THADA: variants seen among roughly 807,000 people sequenced by gnomAD.
THADA encodes THADA armadillo repeat containing.
THADA carries 213 observed loss-of-function variants against 219.8 expected under a neutral mutation model. The observed-to-expected ratio is 0.97, with a 90% CI of 0.87 to 1.09. The LOEUF (loss-of-function observed/expected upper bound fraction) is 1.09. Ranked by LOEUF, THADA falls within the 50% of genes least tolerant of loss-of-function variation. The pLI is 0.00. For synonymous variants in THADA, 1,018 were observed against 828.9 expected (o/e 1.23, Z -3.92); for missense variants, 2,956 against 2,311.3 (o/e 1.28, Z -5.72).
At chr2:43,474,997 G>A (rs1335279679) in intron 26 of THADA, among the ~76,000 whole-genome samples, 2 of 152,142 alleles carry the variant, frequency 1.3e-5, no homozygotes, top group Non-Finnish European at 2.9e-5. Context: ...GGACAGAAAA[G>A]AAAGAAACGT....
In THADA at chr2:43,532,104, G is replaced by A. The variant is rs930821097; in HGVS notation, c.3265-4116C>T. Among the ~76,000 whole-genome samples, 9 of 148,994 alleles carry A rather than the reference G, an allele frequency of 6.0e-5. No homozygotes were observed. The East Asian group carries it at 1.6e-3, about 26-fold the overall frequency. On this transcript the variant is annotated intron_variant, in intron 21 of 37. Transcript: ENST00000405975. ...CCAGCACACTAAAATAAGAAGAAAT[G>A]AAAAGTGTAAAAAAAATATGAAAGA...
chr2:43,330,088 C>G (rs1573096414), intron 30 of THADA, among the ~76,000 whole-genome samples: 1 of 152,218 alleles, frequency 6.6e-6, no homozygotes, highest in East Asian at 1.9e-4. Flanking sequence ...GAGGCCAGAC[C>G]ACTGACTTGC....
At chr2:43,313,858 G>C (rs13412856) in intron 31 of THADA, among the ~76,000 whole-genome samples, 1 of 152,218 alleles carries the variant, frequency 6.6e-6, no homozygotes, top group Non-Finnish European at 1.5e-5. Flanking sequence ...TGGTTGTGCC[G>C]TGAGGCCACA....
intron 22 of THADA, among the ~76,000 whole-genome samples, chr2:43,518,016 T>C (rs2103663787): frequency 6.6e-6 from 1 of 152,326 alleles, no homozygotes; most frequent in Admixed American, 6.5e-5. Context: ...AATATTACTT[T>C]AGTCTAGTAG....
chr2:43,420,792 C>T (rs1371045634), intron 28 of THADA, among the ~76,000 whole-genome samples: 1 of 152,124 alleles, frequency 6.6e-6, no homozygotes, highest in Non-Finnish European at 1.5e-5. Flanking sequence ...TCTTTTTATG[C>T]CAGAACTATT....
chr2:43,523,776 G>A (rs1242730335), intron 22 of THADA, among the ~76,000 whole-genome samples: 1 of 152,128 alleles, frequency 6.6e-6, no homozygotes, highest in Non-Finnish European at 1.5e-5. Context: ...AATATCTGTA[G>A]ATTAAGCTAC....
Position 43,556,327 on chromosome 2 carries a change from G to C in THADA, c.2674+18C>G, listed in dbSNP as rs1035894583. On this transcript the variant is annotated intron_variant, in intron 17 of 37. Transcript: ENST00000405975. ...GACTAAGCTATTCGTTTTGATAAGAGCAAACATCAATACAAACCCATTAAT... is the reference window on the plus strand; with the variant it reads ...GACTAAGCTATTCGTTTTGATAAGACCAAACATCAATACAAACCCATTAAT... 1 of 1,612,302 alleles carries C rather than the reference G, an allele frequency of 6.2e-7. No individual in the cohort carries two copies.
chr2:43,430,594 C>G (rs1416014456), intron 26 of THADA: 2 of 473,350 alleles, frequency 4.2e-6, no homozygotes, highest in Non-Finnish European at 8.3e-6. Flanking sequence ...TGTGCCAATG[C>G]CAAGTTTCCA....
At chr2:43,520,997 GA>G (rs1692375533) in intron 22 of THADA, among the ~76,000 whole-genome samples, 1 of 99,558 alleles carries the variant, frequency 1.0e-5, no homozygotes, top group African/African-American at 4.5e-5. Flanking sequence ...GGAAAGGGAG[GA>G]AAGGGAGGGA....
chr2:43,317,787 G>A (rs189432631), intron 31 of THADA, among the ~76,000 whole-genome samples: 3 of 152,244 alleles, frequency 2.0e-5, no homozygotes, highest in African/African-American at 4.8e-5. Context: ...CACATCTAGC[G>A]ATTTTATGAG....
At chr2:43,515,370 TATAATATATA>T (rs1691586572) in intron 22 of THADA, among the ~76,000 whole-genome samples, 1 of 93,284 alleles carries the variant, frequency 1.1e-5, no homozygotes, top group Admixed American at 1.8e-4. Context: ...ATATATAATA[TATAATATATA>T]ATATTTTATA....
At chr2:43,595,266 AG>A (rs1441300014) in intron 1 of THADA, among the ~76,000 whole-genome samples, 2 of 152,206 alleles carry the variant, frequency 1.3e-5, no homozygotes, top group Non-Finnish European at 2.9e-5. Context: ...AAATCCATAC[AG>A]TAATGGCAGG....
Position 43,574,515 on chromosome 2 carries a change from G to T in THADA, c.1550C>A (p.Ser517Tyr), listed in dbSNP as rs767923431. Residue 517 changes from serine (S) to tyrosine (Y), a missense_variant, in exon 11 of 38, where the codon TCT (serine) becomes TAT (tyrosine). Transcript: ENST00000405975. The stretch of plus-strand genomic sequence containing the variant: ...AGTCTCATGCCACTGGTCAATCCAA[G>T]AACTCTCAGCAGTCTGGGATTTCAA... ...SHLKSQTAES[S>Y]WIDQWHETWV... 2.5e-6 allele frequency: 4 copies of T among 1,613,912 alleles called. No individual in the cohort carries two copies. Among genetic ancestry groups the T allele is most frequent in the Non-Finnish European group, 2.5e-6 (3 of 1,179,874 alleles).
At chr2:43,272,013 G>C (rs1435283450) in intron 36 of THADA, among the ~76,000 whole-genome samples, 2 of 152,178 alleles carry the variant, frequency 1.3e-5, no homozygotes, top group Non-Finnish European at 2.9e-5. Flanking sequence ...CAAATAACTG[G>C]GTGGTTACTG....
intron 7 of THADA, among the ~76,000 whole-genome samples, chr2:43,584,338 T>C (rs1197345754): frequency 1.3e-5 from 2 of 152,086 alleles, no homozygotes; most frequent in Non-Finnish European, 2.9e-5. Context: ...GAGTAATAAA[T>C]TTGGGAATCC....
At chr2:43,417,037 C>CTTTTT (rs67993873) in intron 28 of THADA, among the ~76,000 whole-genome samples, 183 of 93,692 alleles carry the variant, frequency 2.0e-3, no homozygotes, top group Middle Eastern at 8.8e-3. Flanking sequence ...TGGCTGTTTT[C>CTTTTT]TTTTTTTTTT....
At chr2:43,434,388 C>T (rs770692619) in intron 26 of THADA, among the ~76,000 whole-genome samples, 20 of 152,170 alleles carry the variant, frequency 1.3e-4, no homozygotes, top group Non-Finnish European at 2.4e-4. Context: ...TGCCCACGGA[C>T]CTAGGTGAAG....
chr2:43,501,413 C>T (rs541854043), intron 24 of THADA, among the ~76,000 whole-genome samples: 5 of 147,948 alleles, frequency 3.4e-5, no homozygotes, highest in Admixed American at 6.8e-5. Context: ...GAGAAATAAG[C>T]CATGCTCATG....
intron 36 of THADA, among the ~76,000 whole-genome samples, chr2:43,240,786 T>C (rs1342105317): frequency 6.6e-6 from 1 of 152,138 alleles, no homozygotes; most frequent in Non-Finnish European, 1.5e-5. Flanking sequence ...GAAGTCTGGG[T>C]CGGGGAACAT....
Sources: gnomAD v4.1 joint callset for allele counts (sites outside exome capture counted in the v4.1 genomes callset) on GRCh38, gnomAD v4.1.1 for gene constraint, MANE v1.5 for transcripts, NCBI Gene and HGNC (gene_info 2026-07-23, HGNC 2026-07-21) for gene names.